The following PTPRS variants were observed in gnomAD, a reference collection of about 807,000 sequenced individuals.
The protein encoded by PTPRS is receptor-type tyrosine-protein phosphatase S.
In PTPRS, 63 loss-of-function variants were observed where a neutral mutation model predicts 215.3. That is an observed-to-expected ratio of 0.29 (90% CI 0.24 to 0.36). The LOEUF is 0.36. Ranked by LOEUF, PTPRS falls within the 10% of genes least tolerant of loss-of-function variation. PTPRS has a pLI of 1.00. For missense variants in PTPRS, 2,258 were observed against 2,825.8 expected (o/e 0.80, Z 4.56); for synonymous variants, 1,404 against 1,191.4 (o/e 1.18, Z -3.68).
At position 5,315,350 on chromosome 19, in the gene PTPRS, G is replaced by GCTTTTTTTTTTTTTTTTTTTTT. The variant is rs2049835558; in HGVS notation, c.-95+25313_-95+25314insAAAAAAAAAAAAAAAAAAAAAG. Among the ~76,000 whole-genome samples the GCTTTTTTTTTTTTTTTTTTTTT allele has an allele frequency of 2.6e-4, 26 of 101,296 alleles. 12 individuals carry two copies. The highest frequency in any genetic ancestry group is 4.0e-4 in the Non-Finnish European group (21 of 52,778). The allele number at this position is 101,296 out of a possible 152,430, so 66.5% of individuals were successfully genotyped here. A position where few individuals can be genotyped will look rare whatever the true frequency, so the allele number is the denominator to read the frequency against. Reference sequence around the variant, plus strand: ...TCATGGAGAATTTTTATTTGAAAAGGGTTTTTTTTTTTTTTTTTTTTTTTT... The same window carrying GCTTTTTTTTTTTTTTTTTTTTT: ...TCATGGAGAATTTTTATTTGAAAAGGCTTTTTTTTTTTTTTTTTTTTTGTTTTTTTTTTTTTTTTTTTTTTTT... On this transcript the variant is annotated intron_variant, in intron 1 of 37. Transcript: ENST00000262963.
intron 1 of PTPRS, among the ~76,000 whole-genome samples, chr19:5,326,714 G>A (rs751539677): frequency 1.4e-5 from 2 of 145,130 alleles, no homozygotes; most frequent in Non-Finnish European, 3.0e-5. Flanking sequence ...AAAAAGAAAC[G>A]AAGAAAAGAA....
chr19:5,278,714 A>C (rs897588158), intron 2 of PTPRS, among the ~76,000 whole-genome samples: 1 of 151,810 alleles, frequency 6.6e-6, no homozygotes, highest in African/African-American at 2.4e-5. Flanking sequence ...GCCTCAGGTG[A>C]TCCAACCACC....
In PTPRS at chr19:5,326,155, C is replaced by T. The variant is rs546967266; in HGVS notation, c.-95+14509G>A. 5.3e-5 allele frequency among the ~76,000 whole-genome samples: 8 copies of T among 152,254 alleles called. No individual in the cohort carries two copies. The South Asian group carries it at 1.5e-3, about 28-fold the overall frequency. On this transcript the variant is annotated intron_variant, in intron 1 of 37. Coordinates refer to ENST00000262963, the MANE Select transcript of PTPRS (RefSeq NM_002850.4). ...CTGAGGCAGGAGAATCGCTTGAACC[C>T]GGGAGGTGGGGGTTGCAGTGAGCCG...
chr19:5,217,870 TTGATTCAGTTCTCC>T (rs1201224620), intron 25 of PTPRS, among the ~76,000 whole-genome samples: 3 of 152,196 alleles, frequency 2.0e-5, no homozygotes, highest in Admixed American at 1.3e-4. Flanking sequence ...GGATAAGGCC[TTGATTCAGTTCTCC>T]TGGACTGTCA....
chr19:5,317,799 G>A (rs1349618918), intron 1 of PTPRS, among the ~76,000 whole-genome samples: 4 of 152,102 alleles, frequency 2.6e-5, no homozygotes, highest in African/African-American at 9.7e-5. Flanking sequence ...CAGCACTGAG[G>A]CTGAGACAGG....
intron 2 of PTPRS, chr19:5,277,748 ACTC>A (rs2047511819): frequency 1.4e-6 from 1 of 694,620 alleles, no homozygotes; most frequent in Admixed American, 1.8e-5. Context: ...CCGCCCTCAG[ACTC>A]CTCATGAAGC....
chr19:5,307,102 C>T (rs936434403), intron 1 of PTPRS, among the ~76,000 whole-genome samples: 1 of 152,110 alleles, frequency 6.6e-6, no homozygotes, highest in African/African-American at 2.4e-5. Context: ...GTCAAGAATT[C>T]GAGACCAGCC....
At chr19:5,220,406 G>C in intron 20 of PTPRS, 53 bp from the exon 21 acceptor site, 2 of 1,466,438 alleles carry the variant, frequency 1.4e-6, no homozygotes, top group Non-Finnish European at 1.9e-6. Flanking sequence ...ATGACCAAGG[G>C]ATGCTTCATG....
At chr19:5,228,954 G>C (rs906787886) in intron 16 of PTPRS, among the ~76,000 whole-genome samples, 1 of 152,232 alleles carries the variant, frequency 6.6e-6, no homozygotes, top group East Asian at 1.9e-4. Context: ...GGGTCAACAG[G>C]AGAGGAGACA....
At chr19:5,235,657 C>T (rs1033097933) in intron 13 of PTPRS, among the ~76,000 whole-genome samples, 1 of 152,220 alleles carries the variant, frequency 6.6e-6, no homozygotes, top group South Asian at 2.1e-4. Flanking sequence ...TGGCACTAGG[C>T]TAAGCTTGTT....
intron 13 of PTPRS, among the ~76,000 whole-genome samples, chr19:5,232,839 G>C (rs989964566): frequency 6.6e-6 from 1 of 152,164 alleles, no homozygotes; most frequent in Non-Finnish European, 1.5e-5. Context: ...CTATGTGCCA[G>C]GCACCGTGGC....
At chr19:5,206,939 G>A (rs2144884946) in intron 37 of PTPRS, 97 bp from the exon 38 acceptor site, 2 of 1,097,394 alleles carry the variant, frequency 1.8e-6, no homozygotes, top group East Asian at 4.8e-5. Context: ...CCTCAGCCTT[G>A]TGCGTGTCTC....
In PTPRS at chr19:5,205,722, A is replaced by T. The variant is rs2040314312; in HGVS notation, c.*1052T>A. Among the ~76,000 whole-genome samples the T allele has an allele frequency of 6.6e-6, 1 of 152,092 alleles. No homozygotes were observed. The highest frequency in any genetic ancestry group is 2.4e-5 in the African/African-American group (1 of 41,414). On this transcript the variant is annotated 3_prime_UTR_variant, in exon 38 of 38. Transcript: ENST00000262963. Reference sequence around the variant, plus strand: ...AACTGCCCCACAGTCCCAGGGGGAAAGGGTCCCTGATGTGGGGCAGCACAG... The same window carrying T: ...AACTGCCCCACAGTCCCAGGGGGAATGGGTCCCTGATGTGGGGCAGCACAG...
At chr19:5,216,885 C>CT (rs1555742440) in intron 25 of PTPRS, 118 bp from the exon 26 acceptor site, 1 of 655,504 alleles carries the variant, frequency 1.5e-6, no homozygotes, top group East Asian at 2.7e-5. Context: ...ACGCGGACAA[C>CT]GGGGGGTATG....
intron 1 of PTPRS, among the ~76,000 whole-genome samples, chr19:5,288,967 C>T (rs1383636960): frequency 6.6e-6 from 1 of 152,236 alleles, no homozygotes; most frequent in African/African-American, 2.4e-5. Flanking sequence ...CCCCCCAGAT[C>T]CGCCACTCCA....
chr19:5,218,325 G>A (rs2041670979), intron 25 of PTPRS, 95 bp downstream of exon 25: 1 of 983,640 alleles, frequency 1.0e-6, no homozygotes, highest in Non-Finnish European at 1.6e-6. Context: ...TAGTTCAGAG[G>A]GGGCCAATGA....
At chr19:5,266,894 T>C (rs1191822138) in intron 4 of PTPRS, among the ~76,000 whole-genome samples, 5 of 152,118 alleles carry the variant, frequency 3.3e-5, no homozygotes, top group Non-Finnish European at 7.4e-5. Context: ...CCCACATCTG[T>C]CTACTGATCG....
intron 1 of PTPRS, among the ~76,000 whole-genome samples, chr19:5,301,112 C>T (rs2049289320): frequency 6.6e-6 from 1 of 152,234 alleles, no homozygotes; most frequent in Non-Finnish European, 1.5e-5. Context: ...GCTCTTGCTC[C>T]AGCCCCAAGG....
Position 5,274,363 on chromosome 19 carries a change from GA to G in PTPRS, c.92-20del. ...GGGGGCTCTGGGGATACAGTGGAAAGAAGGGGGGGCGCTGATGGGTCCAGGC... is the reference window on the plus strand; with the variant it reads ...GGGGGCTCTGGGGATACAGTGGAAAGAGGGGGGGCGCTGATGGGTCCAGGC... On this transcript the variant is annotated intron_variant, in intron 2 of 37. Coordinates refer to ENST00000262963, the MANE Select transcript of PTPRS (RefSeq NM_002850.4). 6.6e-7 allele frequency: 1 copy of G among 1,509,822 alleles called. No homozygotes were observed. Among genetic ancestry groups the G allele is most frequent in the Non-Finnish European group, 9.0e-7 (1 of 1,105,804 alleles). The allele number at this position is 1,509,822 out of a possible 1,614,324, so 93.5% of individuals were successfully genotyped here.
Sources: allele counts gnomAD v4.1 joint callset (sites outside exome capture counted in the v4.1 genomes callset), GRCh38; gene constraint gnomAD v4.1.1; transcripts MANE v1.5; gene names NCBI Gene and HGNC (gene_info 2026-07-23, HGNC 2026-07-21).